EXOC4: variants seen among roughly 807,000 people sequenced by gnomAD.
EXOC4 encodes SEC8-like 1.
A neutral mutation model predicts 107.2 loss-of-function variants in EXOC4; 71 were observed. The observed-to-expected ratio is 0.66, with a 90% confidence interval of 0.55 to 0.81. The LOEUF (loss-of-function observed/expected upper bound fraction) is 0.81. EXOC4 is among the 30% of genes least tolerant of loss of function. The pLI, the probability that EXOC4 is intolerant of heterozygous loss-of-function variation, is 0.00. For missense variants in EXOC4, 1,108 were observed against 1,189.6 expected (o/e 0.93, Z 1.01); for synonymous variants, 456 against 441.2 (o/e 1.03, Z -0.42).
At chr7:133,954,735 A>G (rs1800774716) in intron 14 of EXOC4, among the ~76,000 whole-genome samples, 1 of 152,190 alleles carries the variant, frequency 6.6e-6, no homozygotes, top group South Asian at 2.1e-4. Flanking sequence ...GGCTTGTGCT[A>G]CCGGCCTGGA....
At chr7:133,430,495 C>A (rs2150774478) in intron 7 of EXOC4, among the ~76,000 whole-genome samples, 1 of 152,234 alleles carries the variant, frequency 6.6e-6, no homozygotes, top group South Asian at 2.1e-4. Flanking sequence ...ATTATATGGA[C>A]ATTTTGTTTA....
intron 10 of EXOC4, among the ~76,000 whole-genome samples, chr7:133,788,282 ATCTC>A (rs1030926714): frequency 6.6e-6 from 1 of 151,108 alleles, no homozygotes; most frequent in African/African-American, 2.4e-5. Flanking sequence ...TGCAGTGCCA[ATCTC>A]TCCTCTCAAC....
intron 14 of EXOC4, among the ~76,000 whole-genome samples, chr7:133,952,017 G>T (rs149517587): frequency 1.3e-5 from 2 of 152,144 alleles, no homozygotes; most frequent in Non-Finnish European, 2.9e-5. Flanking sequence ...TTAGCCAAGC[G>T]TGGTGGCAGG....
intron 6 of EXOC4, among the ~76,000 whole-genome samples, chr7:133,368,635 G>A (rs1385728892): frequency 3.4e-4 from 52 of 152,158 alleles, no homozygotes; most frequent in Non-Finnish European, 2.9e-5. Context: ...AAAGTCCCAT[G>A]TCTATTTAAT....
chr7:133,819,081 G>C (rs766094391), intron 11 of EXOC4, among the ~76,000 whole-genome samples: 4 of 152,096 alleles, frequency 2.6e-5, no homozygotes, highest in Non-Finnish European at 4.4e-5. Context: ...CCTGCCAGGT[G>C]ACACATCCTC....
At chr7:133,742,222 A>C (rs1795580024) in intron 10 of EXOC4, among the ~76,000 whole-genome samples, 1 of 152,130 alleles carries the variant, frequency 6.6e-6, no homozygotes, top group Non-Finnish European at 1.5e-5. Context: ...CTTGGATTAG[A>C]CAACACTAAC....
At chr7:133,414,683 G>A (rs1350398709) in intron 7 of EXOC4, among the ~76,000 whole-genome samples, 1 of 152,038 alleles carries the variant, frequency 6.6e-6, no homozygotes. Context: ...AACTGTAAAA[G>A]AGTATATAAT....
chr7:133,610,138 A>G (rs983368034), intron 9 of EXOC4, among the ~76,000 whole-genome samples: 5 of 152,224 alleles, frequency 3.3e-5, no homozygotes, highest in Non-Finnish European at 5.9e-5. Context: ...ATGATCCTCC[A>G]TGACTGGGAC....
intron 9 of EXOC4, among the ~76,000 whole-genome samples, chr7:133,525,667 G>A (rs368031172): frequency 3.3e-5 from 5 of 152,176 alleles, no homozygotes; most frequent in African/African-American, 1.2e-4. Flanking sequence ...AGAAGATCTA[G>A]TGTCAAGTCT....
intron 9 of EXOC4, among the ~76,000 whole-genome samples, chr7:133,556,762 G>A (rs76063392): frequency 0.026 from 3,954 of 152,256 alleles, 82 homozygotes; most frequent in Non-Finnish European, 0.038. Context: ...GAAAATGATG[G>A]ATGACTTGCT....
intron 11 of EXOC4, among the ~76,000 whole-genome samples, chr7:133,847,537 ATTTT>A (rs34297470): frequency 0.026 from 3,370 of 127,190 alleles, 142 homozygotes; most frequent in African/African-American, 0.094. Flanking sequence ...TACACCAGCT[ATTTT>A]TTTTTTTTTT....
chr7:134,037,317 CAGA>C (rs1272138873), intron 17 of EXOC4, among the ~76,000 whole-genome samples: 4 of 152,270 alleles, frequency 2.6e-5, no homozygotes, highest in South Asian at 4.1e-4. Flanking sequence ...GGTTTCCTCA[CAGA>C]AGGAGACCAG....
At chr7:133,641,431 C>CATAT (rs34252534) in intron 10 of EXOC4, among the ~76,000 whole-genome samples, 35 of 151,808 alleles carry the variant, frequency 2.3e-4, no homozygotes, top group African/African-American at 5.8e-4. Context: ...CCTGAGCACA[C>CATAT]ATATATATAT....
chr7:133,794,495 G>A (rs537334674), intron 10 of EXOC4, among the ~76,000 whole-genome samples: 31 of 152,198 alleles, frequency 2.0e-4, no homozygotes, highest in South Asian at 6.2e-4. Flanking sequence ...CAGCATTTGC[G>A]AAATCTCAAA....
chr7:133,431,387 C>T (rs111343851), intron 7 of EXOC4, among the ~76,000 whole-genome samples: 2 of 152,174 alleles, frequency 1.3e-5, no homozygotes, highest in African/African-American at 4.8e-5. Flanking sequence ...TTACAGTTGC[C>T]TATCAATAAG....
At chr7:133,375,801 A>G (rs910380024) in intron 7 of EXOC4, among the ~76,000 whole-genome samples, 1 of 152,290 alleles carries the variant, frequency 6.6e-6, no homozygotes, top group East Asian at 1.9e-4. Context: ...GATTAGAGGA[A>G]TAATATTATT....
At position 134,064,281 on chromosome 7, in the gene EXOC4, G is replaced by T. The variant is rs900579878; in HGVS notation, c.2688-10G>T. On this transcript the variant is annotated splice_polypyrimidine_tract_variant and intron_variant, in intron 17 of 17. Transcript: ENST00000253861. ...GAGCCAGTGAGCAGTGTTCTCTCTT[G>T]CTTTCTCAGGCAGTACTACGAGATG... The T allele has an allele frequency of 1.4e-6, 2 of 1,420,638 alleles. No homozygotes were observed. The highest frequency in any genetic ancestry group is 2.6e-5 in the Admixed American group (1 of 38,214). The allele number at this position is 1,420,638 out of a possible 1,614,324, so 88.0% of individuals were successfully genotyped here. A position where few individuals can be genotyped will look rare whatever the true frequency, so the allele number is the denominator to read the frequency against.
At chr7:133,502,218 A>G (rs1450204802) in intron 9 of EXOC4, among the ~76,000 whole-genome samples, 4 of 152,152 alleles carry the variant, frequency 2.6e-5, no homozygotes, top group Admixed American at 2.6e-4. Flanking sequence ...ATTGCTATTA[A>G]GACAATGGGA....
intron 15 of EXOC4, among the ~76,000 whole-genome samples, chr7:134,000,116 C>T (rs1054746680): frequency 1.3e-5 from 2 of 152,078 alleles, no homozygotes; most frequent in African/African-American, 2.4e-5. Context: ...CCTCATGTAA[C>T]ATGGTTCCAA....
Sources: gnomAD v4.1 joint callset for allele counts (sites outside exome capture counted in the v4.1 genomes callset) on GRCh38, gnomAD v4.1.1 for gene constraint, MANE v1.5 for transcripts, NCBI Gene and HGNC (gene_info 2026-07-23, HGNC 2026-07-21) for gene names.